The following PDE1B variants were observed in gnomAD, a reference collection of about 807,000 sequenced individuals.
PDE1B encodes the protein dual specificity calcium/calmodulin-dependent 3',5'-cyclic nucleotide phosphodiesterase 1B.
In PDE1B, 13 loss-of-function variants were observed where a neutral mutation model predicts 66.7. The observed-to-expected ratio is 0.19, with a 90% CI of 0.13 to 0.31. The LOEUF (loss-of-function observed/expected upper bound fraction) is 0.31. Among genes scored for constraint, PDE1B ranks in the 10% least tolerant of loss-of-function variants. The probability of loss-of-function intolerance (pLI) is 1.00; values close to 1 mark genes in which losing one functional copy is unlikely to be tolerated. For synonymous variants in PDE1B, 230 were observed against 253.9 expected, an observed-to-expected ratio of 0.91 and a Z score of 0.90; for missense variants, 485 against 682.3, an observed-to-expected ratio of 0.71 and a Z score of 3.22.
chr12:54,575,400 A>G lies in PDE1B; in HGVS notation c.1186-151A>G, dbSNP rs1351204873. The G allele has an allele frequency of 1.3e-6, 1 of 766,952 alleles. No homozygotes were observed. Among genetic ancestry groups the G allele is most frequent in the East Asian group, 2.5e-5 (1 of 40,698 alleles). The allele number at this position is 766,952 out of a possible 1,614,324, so 47.5% of individuals were successfully genotyped here. ...CTAACAATAGTTGCATTTCATTTGC[A>G]TATATTTCATTTGCATATTACTAAT... On this transcript the variant is annotated intron_variant, in intron 11 of 15. Coordinates refer to ENST00000243052, the MANE Select transcript of PDE1B (RefSeq NM_000924.4). The surrounding 1 kb of genome is among the most constrained non-coding windows in gnomAD (Gnocchi z 4.0).
intron 3 of PDE1B, among the ~76,000 whole-genome samples, chr12:54,568,186 G>C (rs1365655515): frequency 6.6e-6 from 1 of 152,132 alleles, no homozygotes; most frequent in Non-Finnish European, 1.5e-5. Context: ...TTATAAGGCT[G>C]GGCGTGATGG....
chr12:54,574,719 C>T (rs1480414350), intron 10 of PDE1B: 3 of 176,214 alleles, frequency 1.7e-5, no homozygotes, highest in African/African-American at 7.2e-5. Context: ...GCCTATAATT[C>T]CAGCACTTTG....
intron 2 of PDE1B, chr12:54,561,522 TG>T (rs1957410327): frequency 2.1e-6 from 3 of 1,446,738 alleles, no homozygotes; most frequent in African/African-American, 1.4e-5. Context: ...TGTCCCCTCT[TG>T]GGGGCCCTGG....
At chr12:54,550,528 C>T (rs1323705003) in intron 2 of PDE1B, among the ~76,000 whole-genome samples, 1 of 152,126 alleles carries the variant, frequency 6.6e-6, no homozygotes, top group Non-Finnish European at 1.5e-5. Context: ...GTGGGGGTTA[C>T]CCCATGCCTG....
rs1277635862 is a variant in PDE1B at position 54,549,947 on chromosome 12, A to G, written c.75A>G (p.Ser25=). 1 of 1,613,994 alleles carries G rather than the reference A, an allele frequency of 6.2e-7. No individual in the cohort carries two copies. Among genetic ancestry groups the G allele is most frequent in the Non-Finnish European group, 8.5e-7 (1 of 1,179,994 alleles). Residue 25 remains serine, a synonymous_variant, in exon 2 of 16, where the codon TCA becomes TCG. Coordinates refer to ENST00000243052, the MANE Select transcript of PDE1B (RefSeq NM_000924.4). ...GCCCGTCACCCCTGGAGCTGAAGTC[A>G]GCCCCCAGCAAGAAGATGTGGATTA... The part of the protein sequence containing the change: ...SDCPSPLELK[S]APSKKMWIKL...
In PDE1B at chr12:54,573,102, C is replaced by A; in HGVS notation, c.736-46C>A. ...GTGTGTGGAGGTTCCTGGGAAGTGA[C>A]CAGCAGGCGTCACCCCTCTCTCATT... On this transcript the variant is annotated intron_variant, in intron 7 of 15. Transcript: ENST00000243052. This position sits in a 1 kb window ranked among gnomAD's most constrained non-coding sequence, Gnocchi z 5.2. The A allele has an allele frequency of 7.2e-7, 1 of 1,392,482 alleles. No homozygotes were observed. The highest frequency in any genetic ancestry group is 1.0e-6 in the Non-Finnish European group (1 of 978,508). 86.3% of individuals were successfully genotyped at this position (1,392,482 alleles called of 1,614,324 possible).
chr12:54,576,543 T>C, intron 13 of PDE1B, 28 bp from the exon 14 acceptor site: 2 of 1,613,848 alleles, frequency 1.2e-6, no homozygotes, highest in Non-Finnish European at 1.7e-6. Context: ...GGCTTACCTC[T>C]TGCGGCTTTT....
At chr12:54,572,896 G>A (rs1265783014) in intron 7 of PDE1B, among the ~76,000 whole-genome samples, 155 bp downstream of exon 7, 1 of 152,218 alleles carries the variant, frequency 6.6e-6, no homozygotes, top group Non-Finnish European at 1.5e-5. Flanking sequence ...TCACTCTAGA[G>A]AATTCCCAGG....
rs374027304 is a variant in PDE1B at position 54,566,979 on chromosome 12, G to A, written c.119G>A (p.Arg40His). 6.7e-5 allele frequency: 108 copies of A among 1,604,510 alleles called. No individual in the cohort carries two copies. The Middle Eastern group carries it at 1.4e-3, about 20-fold the overall frequency. Residue 40 changes from arginine (R) to histidine (H), a missense_variant, in exon 3 of 16, where the codon CGC (arginine) becomes CAC (histidine). Arg to His is a conservative substitution (Grantham distance 29). Around this residue, in one of 4 missense-constraint regions of PDE1B, gnomAD observed 74 missense variants for 78.7 expected, o/e 0.94. Transcript: ENST00000243052. ...TCTGTATCTGCTCCCTGCAGGCTGC[G>A]CTACATGGTGAAGCAGTTGGAGAAT... Reference protein sequence around the residue: ...KMWIKLRSLLRYMVKQLENGE... With the variant: ...KMWIKLRSLLHYMVKQLENGE...
At chr12:54,577,577 C>T (rs1957784415) in intron 15 of PDE1B, 2 of 1,518,416 alleles carry the variant, frequency 1.3e-6, no homozygotes, top group Non-Finnish European at 1.8e-6. Flanking sequence ...CTCAGAACAG[C>T]AGCAGAACAG....
chr12:54,575,461 CCCCCCA>C lies in PDE1B; in HGVS notation c.1186-81_1186-76del. ...ACAGTGCAGAAATTTCACACAACAACCCCCCACCCCCACCACTTGCCACCTGTACCC... is the reference window on the plus strand; with the variant it reads ...ACAGTGCAGAAATTTCACACAACAACCCCCCACCACTTGCCACCTGTACCC... On this transcript the variant is annotated intron_variant, in intron 11 of 15. Coordinates refer to ENST00000243052, the MANE Select transcript of PDE1B (RefSeq NM_000924.4). The surrounding 1 kb of genome is among the most constrained non-coding windows in gnomAD (Gnocchi z 4.0). 1 of 912,884 alleles carries C rather than the reference CCCCCCA, an allele frequency of 1.1e-6. No homozygotes were observed. The highest frequency in any genetic ancestry group is 1.8e-6 in the Non-Finnish European group (1 of 546,570). The allele number at this position is 912,884 out of a possible 1,614,324, so 56.5% of individuals were successfully genotyped here.
Position 54,575,718 on chromosome 12 carries a change from C to T in PDE1B, c.1267+86C>T, listed in dbSNP as rs1957728773. ...CAGGATTGCTCCAAGTCCTCAATCC[C>T]CCCAAACCATTCTTCCTGTAGAGGA... On this transcript the variant is annotated intron_variant, in intron 12 of 15. Transcript: ENST00000243052. This position sits in a 1 kb window ranked among gnomAD's most constrained non-coding sequence, Gnocchi z 4.0. 1 of 989,692 alleles carries T rather than the reference C, an allele frequency of 1.0e-6. No individual in the cohort carries two copies. Among genetic ancestry groups the T allele is most frequent in the African/African-American group, 1.6e-5 (1 of 63,332 alleles). 61.3% of individuals were successfully genotyped at this position (989,692 alleles called of 1,614,324 possible).
intron 2 of PDE1B, chr12:54,561,308 T>C: frequency 2.9e-6 from 1 of 344,236 alleles, no homozygotes; most frequent in Non-Finnish European, 4.9e-6. Flanking sequence ...TCTGGGCTTC[T>C]TCTGAGAACA....
At chr12:54,562,306 C>T (rs1957432198) in intron 2 of PDE1B, among the ~76,000 whole-genome samples, 1 of 152,192 alleles carries the variant, frequency 6.6e-6, no homozygotes, top group South Asian at 2.1e-4. Context: ...TCTTTTCCTC[C>T]CAATGGCTGC....
chr12:54,576,937 C>T (rs1957764276), intron 14 of PDE1B: 1 of 608,186 alleles, frequency 1.6e-6, no homozygotes, highest in Non-Finnish European at 2.9e-6. Context: ...ACCCAAGGGT[C>T]CCTGTGCACA....
chr12:54,550,755 T>G (rs546305017), intron 2 of PDE1B, among the ~76,000 whole-genome samples: 6 of 152,188 alleles, frequency 3.9e-5, no homozygotes, highest in Non-Finnish European at 8.8e-5. Context: ...TTTGGGCATC[T>G]TTTCCTATTG....
chr12:54,558,095 G>C (rs1487798972), intron 2 of PDE1B, among the ~76,000 whole-genome samples: 2 of 152,126 alleles, frequency 1.3e-5, no homozygotes, highest in Non-Finnish European at 2.9e-5. Flanking sequence ...CTGTTGCTAG[G>C]AACACCTGTT....
chr12:54,569,059 A>C lies in PDE1B; in HGVS notation c.228-125A>C. The C allele has an allele frequency of 2.1e-6, 3 of 1,443,082 alleles. No homozygotes were observed. Among genetic ancestry groups the C allele is most frequent in the Non-Finnish European group, 1.8e-6 (2 of 1,089,716 alleles). 89.4% of individuals were successfully genotyped at this position (1,443,082 alleles called of 1,614,324 possible). ...TAAAAAGATATAGAGAAAGAAAGGA[A>C]ACAGGGTTGAAGACAGAGAGCTGGC... On this transcript the variant is annotated intron_variant, in intron 3 of 15. Transcript: ENST00000243052. This position sits in a 1 kb window ranked among gnomAD's most constrained non-coding sequence, Gnocchi z 4.4.
chr12:54,571,275 G>A (rs1288221389), intron 6 of PDE1B: 1 of 152,308 alleles, frequency 6.6e-6, no homozygotes, highest in Non-Finnish European at 1.5e-5. Context: ...TCCCTAGGGA[G>A]TTTCCAAAAC....
Sources: allele counts gnomAD v4.1 joint callset (sites outside exome capture counted in the v4.1 genomes callset), GRCh38; gene constraint gnomAD v4.1.1; regional missense constraint gnomAD v4.1.1; non-coding constraint Gnocchi (gnomAD v3.1); transcripts MANE v1.5; gene names NCBI Gene and HGNC (gene_info 2026-07-23, HGNC 2026-07-21).